Variants in UBE2E3 observed in about 807,000 individuals in gnomAD.
UBE2E3 encodes the protein ubiquitin conjugating enzyme E2 E3, also known as ubiquitin-conjugating enzyme E2 E3.
UBE2E3 carries 5 observed loss-of-function variants against 23.6 expected under a neutral mutation model. That is an observed-to-expected ratio of 0.21 (90% CI 0.11 to 0.44). UBE2E3 has a LOEUF of 0.44. Among genes scored for constraint, UBE2E3 ranks in the 20% least tolerant of loss-of-function variants. UBE2E3 has a pLI of 0.99. For missense variants in UBE2E3, 81 were observed against 249.8 expected, an observed-to-expected ratio of 0.32 and a Z score of 4.55; for synonymous variants, 78 against 87.5, an observed-to-expected ratio of 0.89 and a Z score of 0.60.
intron 3 of UBE2E3, among the ~76,000 whole-genome samples, chr2:181,021,927 G>C (rs1685715738): frequency 6.6e-6 from 1 of 152,004 alleles, no homozygotes; most frequent in South Asian, 2.1e-4. Context: ...CTTGACCTTA[G>C]TCTTCCTTCT....
intron 3 of UBE2E3, among the ~76,000 whole-genome samples, chr2:181,042,011 C>T (rs1686525291): frequency 6.6e-6 from 1 of 152,152 alleles, no homozygotes; most frequent in African/African-American, 2.4e-5. Flanking sequence ...ATTGTGGAGC[C>T]TTCTGCATTT....
chr2:181,020,911 TTAGGGAATGGTAGAGGA>T (rs72293821), intron 3 of UBE2E3, among the ~76,000 whole-genome samples: 12,552 of 152,122 alleles, frequency 0.083, 900 homozygotes, highest in East Asian at 0.22. Flanking sequence ...GTTTTTAGAG[TTAGGGAATGGTAGAGGA>T]TAGGAAAGGG....
chr2:180,992,194 G>A (rs1014930474), intron 3 of UBE2E3, among the ~76,000 whole-genome samples: 12 of 152,206 alleles, frequency 7.9e-5, no homozygotes, highest in Admixed American at 3.9e-4. Context: ...AACTATCAGT[G>A]TCTACTCGTT....
At chr2:180,993,620 A>G (rs1356468037) in intron 3 of UBE2E3, among the ~76,000 whole-genome samples, 1 of 152,146 alleles carries the variant, frequency 6.6e-6, no homozygotes, top group Non-Finnish European at 1.5e-5. Flanking sequence ...CTCACTTTTT[A>G]TAAACACTGT....
At position 181,062,785 on chromosome 2, in the gene UBE2E3, T is replaced by C; in HGVS notation, c.527-6T>C. 1 of 1,586,754 alleles carries C rather than the reference T, an allele frequency of 6.3e-7. No homozygotes were observed. Among genetic ancestry groups the C allele is most frequent in the Non-Finnish European group, 8.6e-7 (1 of 1,160,450 alleles). ...ATAGCTTTTAATGTTCTTTCTGCTT[T>C]TCCAGCGGATCCTCTGGTTGGAAGC... is the stretch of plus-strand genomic sequence containing the variant. On this transcript the variant is annotated splice_polypyrimidine_tract_variant and splice_region_variant and intron_variant, in intron 5 of 5. Transcript: ENST00000410062.
At chr2:180,987,317 T>C (rs1206561259) in intron 3 of UBE2E3, 4 of 1,548,946 alleles carry the variant, frequency 2.6e-6, no homozygotes, top group Non-Finnish European at 3.5e-6. Context: ...TTAAGACATT[T>C]ACTTTCCATC....
At chr2:181,052,111 C>G (rs78330461) in intron 3 of UBE2E3, among the ~76,000 whole-genome samples, 1 of 151,822 alleles carries the variant, frequency 6.6e-6, no homozygotes, top group Non-Finnish European at 1.5e-5. Context: ...CTGAGTGAAT[C>G]TTATCTAGTT....
At chr2:181,026,972 A>C (rs997594236) in intron 3 of UBE2E3, among the ~76,000 whole-genome samples, 1 of 151,976 alleles carries the variant, frequency 6.6e-6, no homozygotes, top group African/African-American at 2.4e-5. Flanking sequence ...AGATTTTACT[A>C]ATCAGCTAGA....
At chr2:181,058,611 A>G (rs1220183961) in intron 4 of UBE2E3, among the ~76,000 whole-genome samples, 2 of 151,766 alleles carry the variant, frequency 1.3e-5, no homozygotes, top group Non-Finnish European at 2.9e-5. Context: ...TTTCAAGTCC[A>G]TAGCCCTTAA....
At chr2:181,017,921 G>A (rs1685546922) in intron 3 of UBE2E3, among the ~76,000 whole-genome samples, 2 of 151,052 alleles carry the variant, frequency 1.3e-5, no homozygotes, top group Non-Finnish European at 2.9e-5. Context: ...CTTCATGTCA[G>A]CCATCATCTT....
chr2:180,986,503 T>A (rs910817007), intron 3 of UBE2E3, among the ~76,000 whole-genome samples: 2 of 152,258 alleles, frequency 1.3e-5, no homozygotes, highest in African/African-American at 4.8e-5. Context: ...TCATGTCAGA[T>A]CTGTGACAGA....
intron 3 of UBE2E3, among the ~76,000 whole-genome samples, chr2:181,017,197 C>CG (rs1198789382): frequency 7.0e-6 from 1 of 141,864 alleles, no homozygotes; most frequent in Non-Finnish European, 1.6e-5. Flanking sequence ...ACATAGGGAT[C>CG]GGGAGTATGG....
chr2:181,016,239 A>AT (rs201755863), intron 3 of UBE2E3, among the ~76,000 whole-genome samples: 36 of 149,524 alleles, frequency 2.4e-4, no homozygotes, highest in East Asian at 5.9e-4. Flanking sequence ...TGGGGTTTAA[A>AT]TTTTTTTTTT....
rs182231662 is a variant in UBE2E3, at chr2:181,029,048, C to T, written c.246-28645C>T. On this transcript the variant is annotated intron_variant, in intron 3 of 5. Transcript: ENST00000410062. The stretch of plus-strand genomic sequence containing the variant: ...AAGGTAGTAGTCCAATTTCATTTTT[C>T]TCCATATGGATAACTATTTGTTTTA... Among the ~76,000 whole-genome samples, 4 of 152,040 alleles carry T rather than the reference C, an allele frequency of 2.6e-5. No individual in the cohort carries two copies. In the East Asian group the frequency reaches 7.7e-4, roughly 29 times the overall value.
In UBE2E3 at chr2:180,994,224, G is replaced by T. The variant is rs1017732928; in HGVS notation, c.245+10131G>T. Reference sequence around the variant, plus strand: ...CTTTTGAAAACCCTAAAATAAGCACGTTGCAATTATCACTTTTCCCTTCTG... The same window carrying T: ...CTTTTGAAAACCCTAAAATAAGCACTTTGCAATTATCACTTTTCCCTTCTG... On this transcript the variant is annotated intron_variant, in intron 3 of 5. Transcript: ENST00000410062. Among the ~76,000 whole-genome samples, 3 of 152,084 alleles carry T rather than the reference G, an allele frequency of 2.0e-5. No homozygotes were observed. In the South Asian group the frequency reaches 6.2e-4, roughly 32 times the overall value.
chr2:181,043,813 T>G lies in UBE2E3; in HGVS notation c.246-13880T>G, dbSNP rs143977240. ...TGTGATCTACTCTTCTTTCTTAATC[T>G]GTCATGAATATTTCTCCATGTCATT... On this transcript the variant is annotated intron_variant, in intron 3 of 5. Coordinates refer to ENST00000410062, the MANE Select transcript of UBE2E3 (RefSeq NM_006357.4). Among the ~76,000 whole-genome samples the G allele has an allele frequency of 4.0e-4, 61 of 152,306 alleles. No individual in the cohort carries two copies. The East Asian group carries it at 9.4e-3, about 24-fold the overall frequency.
At chr2:180,990,524 C>A (rs1684624560) in intron 3 of UBE2E3, among the ~76,000 whole-genome samples, 1 of 152,186 alleles carries the variant, frequency 6.6e-6, no homozygotes, top group Admixed American at 6.5e-5. Context: ...GCGTAGTTTA[C>A]ATATGTCTTA....
upstream of UBE2E3, chr2:180,980,507 C>G (rs1684230421): frequency 2.0e-5 from 3 of 148,782 alleles, no homozygotes; most frequent in African/African-American, 7.3e-5. The surrounding 1 kb of genome is among the most constrained non-coding windows in gnomAD (Gnocchi z 5.5). Context: ...GGGAACAGCT[C>G]GCGCCCGCCG....
chr2:181,024,096 A>C (rs1018302802), intron 3 of UBE2E3, among the ~76,000 whole-genome samples: 2 of 152,066 alleles, frequency 1.3e-5, no homozygotes, highest in Non-Finnish European at 2.9e-5. Flanking sequence ...GGTCAGGTAA[A>C]CATGTATGTT....
Sources: gnomAD v4.1 joint callset for allele counts (sites outside exome capture counted in the v4.1 genomes callset) on GRCh38, gnomAD v4.1.1 for gene constraint, Gnocchi (gnomAD v3.1) non-coding constraint, MANE v1.5 for transcripts, NCBI Gene and HGNC (gene_info 2026-07-23, HGNC 2026-07-21) for gene names.